The following CPSF6 variants were observed in gnomAD, a reference collection of about 807,000 sequenced individuals.
The protein encoded by CPSF6 is cleavage and polyadenylation specificity factor subunit 6.
In CPSF6, 10 loss-of-function variants were observed where a neutral mutation model predicts 56.7. The observed-to-expected ratio is 0.18, with a 90% CI of 0.11 to 0.30. The LOEUF is 0.30. Among genes scored for constraint, CPSF6 ranks in the 10% least tolerant of loss-of-function variants. The pLI is 1.00. For synonymous variants in CPSF6, 248 were observed against 244.8 expected (o/e 1.01, Z -0.12); for missense variants, 419 against 722.9 (o/e 0.58, Z 4.82).
At chr12:69,246,271 AAAAT>A (rs1391426629) in intron 1 of CPSF6, among the ~76,000 whole-genome samples, 3 of 152,214 alleles carry the variant, frequency 2.0e-5, no homozygotes, top group Non-Finnish European at 1.5e-5. Flanking sequence ...CCAATTAATG[AAAAT>A]AAATTTCTTG....
At chr12:69,252,514 T>A (rs1412787170) in intron 2 of CPSF6, among the ~76,000 whole-genome samples, 1 of 152,196 alleles carries the variant, frequency 6.6e-6, no homozygotes, top group African/African-American at 2.4e-5. Flanking sequence ...CATCTATTAT[T>A]AGTTTTGTGA....
intron 1 of CPSF6, among the ~76,000 whole-genome samples, chr12:69,249,782 A>C (rs1025100746): frequency 6.6e-6 from 1 of 152,200 alleles, no homozygotes; most frequent in Non-Finnish European, 1.5e-5. Flanking sequence ...TTTTTCATGT[A>C]CTTAGTTACA....
chr12:69,252,140 T>A (rs188101819), intron 2 of CPSF6: 122 of 453,214 alleles, frequency 2.7e-4, no homozygotes, highest in African/African-American at 2.1e-3. Flanking sequence ...AGTGGTGTAA[T>A]CATAGCTCAC....
In CPSF6 at chr12:69,249,161, G is replaced by T. The variant is rs1001398824; in HGVS notation, c.61-1968G>T. 2.0e-3 allele frequency among the ~76,000 whole-genome samples: 145 copies of T among 72,712 alleles called. 42 individuals carry two copies. The highest frequency in any genetic ancestry group is 7.2e-3 in the Admixed American group (50 of 6,950). 47.7% of individuals were successfully genotyped at this position (72,712 alleles called of 152,430 possible). A position where few individuals can be genotyped will look rare whatever the true frequency, so the allele number is the denominator to read the frequency against. Reference sequence around the variant, plus strand: ...TGTAGTCCCAGCTACTCGGGGGGGGGGGGGGGGGCTGAGGCAGGAGAATGG... The same window carrying T: ...TGTAGTCCCAGCTACTCGGGGGGGGTGGGGGGGGCTGAGGCAGGAGAATGG... On this transcript the variant is annotated intron_variant, in intron 1 of 9. Transcript: ENST00000435070.
intron 1 of CPSF6, among the ~76,000 whole-genome samples, chr12:69,241,274 C>T (rs1343981091): frequency 1.3e-5 from 2 of 152,158 alleles, no homozygotes; most frequent in Non-Finnish European, 2.9e-5. Flanking sequence ...AATAATAATA[C>T]TTGAGTTGTG....
At chr12:69,248,142 T>A (rs1592794577) in intron 1 of CPSF6, among the ~76,000 whole-genome samples, 1 of 152,244 alleles carries the variant, frequency 6.6e-6, no homozygotes, top group East Asian at 1.9e-4. Flanking sequence ...AGTAAGTGAT[T>A]GTGATATACC....
intron 9 of CPSF6, among the ~76,000 whole-genome samples, chr12:69,265,491 T>C (rs1363551209): frequency 6.6e-6 from 1 of 152,172 alleles, no homozygotes; most frequent in African/African-American, 2.4e-5. Flanking sequence ...TTCAGGCTTT[T>C]CCTCTCTCTA....
rs1189036637 is a variant in CPSF6, at chr12:69,258,594, A to G, written c.699A>G (p.Gly233=). 1.9e-6 allele frequency: 3 copies of G among 1,597,814 alleles called. No individual in the cohort carries two copies. Among genetic ancestry groups the G allele is most frequent in the Non-Finnish European group, 1.7e-6 (2 of 1,173,142 alleles). The change falls in exon 6 of 10, where the codon GGA becomes GGG. Residue 233 remains glycine (G), a synonymous_variant. Transcript: ENST00000435070. The surrounding 1 kb of genome is among the most constrained non-coding windows in gnomAD (Gnocchi z 4.2). ...TCTTTCTCCTTTGTTTTTTAGCTGG[A>G]CAGACTCCACCACGTCCACCCTTAG... ...PGGPPPPFPA[G]QTPPRPPLGP...
intron 9 of CPSF6, among the ~76,000 whole-genome samples, chr12:69,265,487 C>T (rs1470753098): frequency 1.3e-5 from 2 of 151,594 alleles, no homozygotes; most frequent in Non-Finnish European, 2.9e-5. Context: ...TTTATTCAGG[C>T]TTTTCCTCTC....
chr12:69,252,825 A>G (rs1481047403), intron 2 of CPSF6, among the ~76,000 whole-genome samples: 1 of 152,212 alleles, frequency 6.6e-6, no homozygotes, highest in South Asian at 2.1e-4. Flanking sequence ...CCCCAAGGGT[A>G]TATACCTTCT....
At chr12:69,259,394 A>C (rs1185143215) in intron 6 of CPSF6, 34 bp from the exon 7 acceptor site, 3 of 1,597,314 alleles carry the variant, frequency 1.9e-6, no homozygotes, top group Non-Finnish European at 8.5e-7. Flanking sequence ...AAATCTGTTG[A>C]GTATGAGTTA....
intron 1 of CPSF6, among the ~76,000 whole-genome samples, chr12:69,240,492 T>G (rs1297984228): frequency 6.6e-6 from 1 of 152,038 alleles, no homozygotes; most frequent in African/African-American, 2.4e-5. Context: ...AAAATACCTG[T>G]GAAGATGAGT....
At chr12:69,240,865 G>A (rs1305935851) in intron 1 of CPSF6, among the ~76,000 whole-genome samples, 1 of 152,116 alleles carries the variant, frequency 6.6e-6, no homozygotes, top group Non-Finnish European at 1.5e-5. Flanking sequence ...CCTGCTGTTC[G>A]TATCTACTGC....
At chr12:69,240,198 T>C (rs552950022) in intron 1 of CPSF6, among the ~76,000 whole-genome samples, 370 of 152,144 alleles carry the variant, frequency 2.4e-3, no homozygotes, top group Middle Eastern at 6.8e-3. Context: ...CGCTCCATTT[T>C]GTCTCCCTGC....
At position 69,256,783 on chromosome 12, in the gene CPSF6, C is replaced by T; in HGVS notation, c.461C>T (p.Pro154Leu). ...LPKRELHGQN[P>L]VVTPCNKQFL... ...AAAAGAGAACTTCATGGTCAGAATC[C>T]TGTTGTAACTCCATGCAATAAACAG... The change falls in exon 4 of 10, where the codon CCT (proline) becomes CTT (leucine). Residue 154 changes from proline (P) to leucine (L), a missense_variant. Coordinates refer to ENST00000435070, the MANE Select transcript of CPSF6 (RefSeq NM_007007.3). The T allele has an allele frequency of 6.2e-7, 1 of 1,613,842 alleles. No homozygotes were observed. The highest frequency in any genetic ancestry group is 8.5e-7 in the Non-Finnish European group (1 of 1,179,844).
chr12:69,264,046 T>C (rs1226230979), intron 9 of CPSF6, among the ~76,000 whole-genome samples: 1 of 152,110 alleles, frequency 6.6e-6, no homozygotes, highest in Non-Finnish European at 1.5e-5. Flanking sequence ...TTGTATTATG[T>C]AAATCTAAAC....
chr12:69,254,778 G>A (rs1342449931), intron 3 of CPSF6, among the ~76,000 whole-genome samples: 1 of 152,108 alleles, frequency 6.6e-6, no homozygotes, highest in Non-Finnish European at 1.5e-5. Context: ...ACATTAGGGG[G>A]AAAAGAGCTT....
Position 69,273,347 on chromosome 12 carries a change from A to G in CPSF6, c.*3839A>G. 4.1e-6 allele frequency: 1 copy of G among 246,108 alleles called. No individual in the cohort carries two copies. The highest frequency in any genetic ancestry group is 4.3e-5 in the South Asian group (1 of 23,348). The allele number at this position is 246,108 out of a possible 1,614,324, so 15.2% of individuals were successfully genotyped here. A position where few individuals can be genotyped will look rare whatever the true frequency, so the allele number is the denominator to read the frequency against. ...TATGGTTTTTGTATGGGACGTATAA[A>G]TACTTGATTATATACGACAGATTTT... On this transcript the variant is annotated 3_prime_UTR_variant, in exon 10 of 10. Coordinates refer to ENST00000435070, the MANE Select transcript of CPSF6 (RefSeq NM_007007.3).
At chr12:69,266,831 T>C (rs1446974246) in intron 9 of CPSF6, among the ~76,000 whole-genome samples, 2 of 152,152 alleles carry the variant, frequency 1.3e-5, no homozygotes, top group Non-Finnish European at 2.9e-5. Flanking sequence ...TGTATGTGTT[T>C]TATAGAGTAA....
Sources: gnomAD v4.1 joint callset for allele counts (sites outside exome capture counted in the v4.1 genomes callset) on GRCh38, gnomAD v4.1.1 for gene constraint, Gnocchi (gnomAD v3.1) non-coding constraint, MANE v1.5 for transcripts, NCBI Gene and HGNC (gene_info 2026-07-23, HGNC 2026-07-21) for gene names.